The following RASEF variants were observed in gnomAD, a reference collection of about 807,000 sequenced individuals.
The protein encoded by RASEF is ras and EF-hand domain-containing protein.
RASEF carries 68 observed loss-of-function variants against 90.1 expected under a neutral mutation model. That is an observed-to-expected ratio of 0.75 (90% CI 0.62 to 0.92). RASEF has a LOEUF of 0.92. RASEF is among the 40% of genes least tolerant of loss of function. The probability of loss-of-function intolerance (pLI) is 0.00; values close to 1 mark genes in which losing one functional copy is unlikely to be tolerated. For synonymous variants in RASEF, 331 were observed against 345.2 expected, an observed-to-expected ratio of 0.96 and a Z score of 0.46; for missense variants, 949 against 937.2, an observed-to-expected ratio of 1.01 and a Z score of -0.16.
chr9:83,078,525 G>A, the RASEF span, among the ~76,000 whole-genome samples: 16 of 152,066 alleles, frequency 1.1e-4, no homozygotes, highest in East Asian at 1.9e-4. Flanking sequence ...TTGGTCGGGC[G>A]TGGTGGCGTG....
At chr9:83,161,464 G>T in the RASEF span, among the ~76,000 whole-genome samples, 3 of 152,178 alleles carry the variant, frequency 2.0e-5, no homozygotes, top group African/African-American at 7.2e-5. Flanking sequence ...ATTTGGAATG[G>T]CTGCATTTAC....
At chr9:83,163,748 C>T in the RASEF span, among the ~76,000 whole-genome samples, 1 of 151,820 alleles carries the variant, frequency 6.6e-6, no homozygotes, top group Non-Finnish European at 1.5e-5. Flanking sequence ...TGTGGAATGT[C>T]TTGTAAAGGG....
intron 4 of RASEF, 90 bp downstream of exon 4, chr9:83,015,702 TATCCGCCACTTCA>T: frequency 1.2e-6 from 1 of 843,276 alleles, no homozygotes; most frequent in Non-Finnish European, 2.0e-6. Context: ...AAATCTGATC[TATCCGCCACTTCA>T]ATAGGATTCC....
At chr9:83,209,922 A>C in the RASEF span, among the ~76,000 whole-genome samples, 1 of 152,178 alleles carries the variant, frequency 6.6e-6, no homozygotes, top group African/African-American at 2.4e-5. Context: ...TCATAAATAA[A>C]TGCATGTTTA....
At chr9:83,042,737 GA>G (rs150073455) in intron 1 of RASEF, among the ~76,000 whole-genome samples, 1 of 150,120 alleles carries the variant, frequency 6.7e-6, no homozygotes, top group Non-Finnish European at 1.5e-5. Context: ...TGGAAAGTCA[GA>G]AAAAAAAAGA....
chr9:83,189,304 C>T, the RASEF span, among the ~76,000 whole-genome samples: 3 of 152,200 alleles, frequency 2.0e-5, no homozygotes, highest in Non-Finnish European at 2.9e-5. Flanking sequence ...GCTTCCACTT[C>T]TGCAATGATT....
At chr9:83,047,420 C>T (rs1408269880) in intron 1 of RASEF, among the ~76,000 whole-genome samples, 1 of 152,106 alleles carries the variant, frequency 6.6e-6, no homozygotes, top group African/African-American at 2.4e-5. Context: ...TACTACAATA[C>T]CAGAAAATAT....
At chr9:83,123,069 T>C in the RASEF span, among the ~76,000 whole-genome samples, 1 of 152,168 alleles carries the variant, frequency 6.6e-6, no homozygotes, top group South Asian at 2.1e-4. Context: ...TGAAACCTCA[T>C]CTCTACTAAA....
At chr9:83,055,575 G>C (rs936307643) in intron 1 of RASEF, 2 of 711,012 alleles carry the variant, frequency 2.8e-6, no homozygotes, top group Admixed American at 2.0e-5. Flanking sequence ...CTCCCTCCTC[G>C]ATTGTCCAAA....
the RASEF span, among the ~76,000 whole-genome samples, chr9:83,208,995 G>C: frequency 6.6e-6 from 1 of 152,182 alleles, no homozygotes; most frequent in African/African-American, 2.4e-5. Flanking sequence ...ACATGACTCA[G>C]CTTCTGTGCC....
chr9:83,193,812 AT>A, the RASEF span, among the ~76,000 whole-genome samples: 1 of 152,166 alleles, frequency 6.6e-6, no homozygotes, highest in African/African-American at 2.4e-5. Flanking sequence ...CAGGTGAAAC[AT>A]CCAGAATAAA....
the RASEF span, among the ~76,000 whole-genome samples, chr9:83,123,631 A>T: frequency 6.6e-6 from 1 of 152,112 alleles, no homozygotes; most frequent in African/African-American, 2.4e-5. Flanking sequence ...CTTCCCACTG[A>T]GCCGTGCTCT....
At chr9:83,035,226 A>G (rs151077867) in intron 1 of RASEF, among the ~76,000 whole-genome samples, 144 of 152,350 alleles carry the variant, frequency 9.5e-4, no homozygotes, top group Middle Eastern at 6.8e-3. Flanking sequence ...TGCAGGACAT[A>G]CTATCTCTGC....
At chr9:83,058,541 G>A (rs547437411) in intron 1 of RASEF, among the ~76,000 whole-genome samples, 9 of 152,106 alleles carry the variant, frequency 5.9e-5, no homozygotes, top group Admixed American at 3.9e-4. Flanking sequence ...GTCAAGCACC[G>A]TTTCATGTAA....
rs371385829 is a variant in RASEF at position 83,058,425 on chromosome 9, G to A, written c.431+4012C>T. ...TCTCCATCTCCTGACCTCGTGATCC[G>A]CCCGCCTCGGCCTCCCAAAGTGCTG... On this transcript the variant is annotated intron_variant, in intron 1 of 16. Coordinates refer to ENST00000376447, the MANE Select transcript of RASEF (RefSeq NM_152573.4). 1.2e-4 allele frequency among the ~76,000 whole-genome samples: 17 copies of A among 147,594 alleles called. 1 individual carries two copies. In the South Asian group the frequency reaches 1.9e-3, roughly 16 times the overall value.
chr9:83,203,816 C>A, the RASEF span, among the ~76,000 whole-genome samples: 72 of 152,122 alleles, frequency 4.7e-4, no homozygotes, highest in East Asian at 6.0e-3. Flanking sequence ...GTGCATGGTG[C>A]CAGCAGAACT....
At chr9:83,089,953 TATATAG>T in the RASEF span, among the ~76,000 whole-genome samples, 20 of 151,674 alleles carry the variant, frequency 1.3e-4, no homozygotes, top group Non-Finnish European at 2.8e-4. Context: ...TAGATATAGA[TATATAG>T]ATATAGATAG....
intron 7 of RASEF, among the ~76,000 whole-genome samples, chr9:83,006,050 T>C (rs1829124883): frequency 6.6e-6 from 1 of 152,218 alleles, no homozygotes; most frequent in African/African-American, 2.4e-5. Flanking sequence ...ATTCAAGCTG[T>C]CAGAGCTTCA....
At chr9:83,058,536 G>A (rs1407180915) in intron 1 of RASEF, among the ~76,000 whole-genome samples, 1 of 152,020 alleles carries the variant, frequency 6.6e-6, no homozygotes, top group Non-Finnish European at 1.5e-5. Context: ...ATCTTGTCAA[G>A]CACCGTTTCA....
Sources: allele counts gnomAD v4.1 joint callset (sites outside exome capture counted in the v4.1 genomes callset), GRCh38; gene constraint gnomAD v4.1.1; transcripts MANE v1.5; gene names NCBI Gene and HGNC (gene_info 2026-07-23, HGNC 2026-07-21).